The following DLGAP2 variants were observed in gnomAD, a reference collection of about 807,000 sequenced individuals.
DLGAP2 encodes disks large-associated protein 2.
Under a neutral mutation model 100.3 loss-of-function variants are expected in DLGAP2, and 26 were observed. The ratio of observed to expected loss-of-function variants is 0.26; its 90% confidence interval spans 0.19 to 0.36. DLGAP2 has a LOEUF of 0.36. Ranked by LOEUF, DLGAP2 falls within the 10% of genes least tolerant of loss-of-function variation. The pLI, the probability that DLGAP2 is intolerant of heterozygous loss-of-function variation, is 1.00. For missense variants in DLGAP2, 1,858 were observed against 1,453.2 expected (o/e 1.28, Z -4.53); for synonymous variants, 886 against 630.1 (o/e 1.41, Z -6.08).
At chr8:767,448 G>A (rs1383158165) in intron 1 of DLGAP2, among the ~76,000 whole-genome samples, 1 of 146,276 alleles carries the variant, frequency 6.8e-6, no homozygotes, top group Non-Finnish European at 1.5e-5. Context: ...TGCAAGCTCT[G>A]CCTCCCAGGT....
chr8:1,664,046 TG>T (rs1460420508), intron 8 of DLGAP2, among the ~76,000 whole-genome samples: 1 of 152,192 alleles, frequency 6.6e-6, no homozygotes, highest in Non-Finnish European at 1.5e-5. Flanking sequence ...GTTTTGTTGA[TG>T]ACAACTGATC....
intron 1 of DLGAP2, among the ~76,000 whole-genome samples, chr8:790,748 TTG>T (rs1822002558): frequency 6.6e-6 from 1 of 152,186 alleles, no homozygotes; most frequent in Non-Finnish European, 1.5e-5. Context: ...AAGATTTTTT[TTG>T]TGTGTGTGTT....
chr8:860,994 G>A (rs1379623571), intron 1 of DLGAP2, among the ~76,000 whole-genome samples: 1 of 152,120 alleles, frequency 6.6e-6, no homozygotes, highest in African/African-American at 2.4e-5. Context: ...TCCATACATG[G>A]GGGCCACACG....
intron 1 of DLGAP2, among the ~76,000 whole-genome samples, chr8:805,851 C>T (rs1431416062): frequency 6.6e-6 from 1 of 152,216 alleles, no homozygotes; most frequent in Non-Finnish European, 1.5e-5. Context: ...ACGGTAGTTT[C>T]TAATGTCCCG....
At chr8:1,315,429 G>A (rs866654558) in intron 3 of DLGAP2, among the ~76,000 whole-genome samples, 3 of 108,676 alleles carry the variant, frequency 2.8e-5, no homozygotes, top group Admixed American at 8.6e-5. Context: ...AAAATAGAGC[G>A]TGTGCGAGTG....
Position 1,481,500 on chromosome 8 carries a change from T to C in DLGAP2, c.107-19866T>C, listed in dbSNP as rs1353248507. Reference sequence around the variant, plus strand: ...TTTTTTTTTTTTTTTTTTTTTGAGATGGAGTTTTGCTTTTGTCGCCCAGGC... The same window carrying C: ...TTTTTTTTTTTTTTTTTTTTTGAGACGGAGTTTTGCTTTTGTCGCCCAGGC... On this transcript the variant is annotated intron_variant, in intron 3 of 14. Coordinates refer to ENST00000637795, the MANE Select transcript of DLGAP2 (RefSeq NM_001346810.2). 5.2e-5 allele frequency among the ~76,000 whole-genome samples: 5 copies of C among 96,204 alleles called. No individual in the cohort carries two copies. The East Asian group carries it at 1.3e-3, about 25-fold the overall frequency. The allele number at this position is 96,204 out of a possible 152,430, so 63.1% of individuals were successfully genotyped here. A position where few individuals can be genotyped will look rare whatever the true frequency, so the allele number is the denominator to read the frequency against.
chr8:1,523,259 C>T (rs976388212), intron 4 of DLGAP2, among the ~76,000 whole-genome samples: 2 of 152,256 alleles, frequency 1.3e-5, no homozygotes, highest in Non-Finnish European at 2.9e-5. Flanking sequence ...TTTGGATTTG[C>T]TTGTCTGGCT....
In DLGAP2 at chr8:1,707,164, T is replaced by C. The variant is rs576425143; in HGVS notation, c.*5758T>C. On this transcript the variant is annotated 3_prime_UTR_variant, in exon 15 of 15. Coordinates refer to ENST00000637795, the MANE Select transcript of DLGAP2 (RefSeq NM_001346810.2). ...CTTAGATTTTATGTAACTCTTTTCATTGGTGCTTATTCAGAACCTGAAAGC... is the reference window on the plus strand; with the variant it reads ...CTTAGATTTTATGTAACTCTTTTCACTGGTGCTTATTCAGAACCTGAAAGC... 2 of 152,786 alleles carry C rather than the reference T, an allele frequency of 1.3e-5. No individual in the cohort carries two copies. Among genetic ancestry groups the C allele is most frequent in the African/African-American group, 2.4e-5 (1 of 41,572 alleles). The allele number at this position is 152,786 out of a possible 1,614,324, so 9.5% of individuals were successfully genotyped here. A position where few individuals can be genotyped will look rare whatever the true frequency, so the allele number is the denominator to read the frequency against.
chr8:1,028,307 G>T (rs193179562), intron 2 of DLGAP2, among the ~76,000 whole-genome samples: 202 of 136,430 alleles, frequency 1.5e-3, no homozygotes, highest in East Asian at 0.013. Flanking sequence ...CTCCAGGTCG[G>T]GTGTCAGGCG....
At position 922,327 on chromosome 8, in the gene DLGAP2, AC is replaced by A. The variant is rs1201489657; in HGVS notation, c.73+14365del. On this transcript the variant is annotated intron_variant, in intron 2 of 14. Transcript: ENST00000637795. ...GCTAATTGCGGTAAAGGGACAGCGG[AC>A]CCCTCCGGAGGGAAAATGAATCCCT... 3.3e-5 allele frequency among the ~76,000 whole-genome samples: 5 copies of A among 152,056 alleles called. 1 individual carries two copies. The highest frequency in any genetic ancestry group is 1.2e-4 in the African/African-American group (5 of 41,380).
intron 3 of DLGAP2, among the ~76,000 whole-genome samples, chr8:1,443,867 A>C (rs1797908896): frequency 6.6e-6 from 1 of 152,296 alleles, no homozygotes; most frequent in Non-Finnish European, 1.5e-5. Context: ...CATGGCTAAA[A>C]TGTTCAGGGT....
intron 2 of DLGAP2, among the ~76,000 whole-genome samples, chr8:989,638 A>G (rs1215773034): frequency 2.0e-5 from 3 of 152,196 alleles, no homozygotes; most frequent in African/African-American, 4.8e-5. Flanking sequence ...GAAGGCTGAT[A>G]TGTATGATTC....
chr8:770,475 A>C (rs1821328223), intron 1 of DLGAP2, among the ~76,000 whole-genome samples: 1 of 152,176 alleles, frequency 6.6e-6, no homozygotes, highest in Non-Finnish European at 1.5e-5. Flanking sequence ...CTGAAGATAC[A>C]TGTTGTTCAC....
intron 4 of DLGAP2, among the ~76,000 whole-genome samples, chr8:1,503,923 G>A (rs1305023642): frequency 6.6e-6 from 1 of 152,136 alleles, no homozygotes; most frequent in Non-Finnish European, 1.5e-5. Flanking sequence ...AACTGCTGTA[G>A]CCATCTGGTG....
chr8:831,900 C>T (rs1796791421), intron 1 of DLGAP2, among the ~76,000 whole-genome samples: 1 of 151,968 alleles, frequency 6.6e-6, no homozygotes, highest in African/African-American at 2.4e-5. Context: ...TTTTAATAAT[C>T]ACCATGCTGA....
At chr8:1,355,390 A>C (rs1462575147) in intron 3 of DLGAP2, among the ~76,000 whole-genome samples, 2 of 151,836 alleles carry the variant, frequency 1.3e-5, no homozygotes, top group African/African-American at 4.8e-5. Context: ...TTTGAGATGG[A>C]GTCTCGCTCT....
chr8:1,520,037 G>A (rs536667279), intron 4 of DLGAP2, among the ~76,000 whole-genome samples: 40 of 152,354 alleles, frequency 2.6e-4, no homozygotes, highest in African/African-American at 9.4e-4. Context: ...TTGGCTGCAT[G>A]TGAAGGAGGG....
At chr8:1,150,124 C>T (rs1313020904) in intron 2 of DLGAP2, among the ~76,000 whole-genome samples, 1 of 152,200 alleles carries the variant, frequency 6.6e-6, no homozygotes, top group South Asian at 2.1e-4. Context: ...TTGTTCCTCC[C>T]TGAAGAGCTC....
At chr8:1,012,784 G>A (rs1428650298) in intron 2 of DLGAP2, among the ~76,000 whole-genome samples, 65 of 129,230 alleles carry the variant, frequency 5.0e-4, no homozygotes, top group African/African-American at 1.9e-3. Context: ...CCCCACTTCA[G>A]CGGCAGTGTG....
Sources: gnomAD v4.1 joint callset for allele counts (sites outside exome capture counted in the v4.1 genomes callset) on GRCh38, gnomAD v4.1.1 for gene constraint, MANE v1.5 for transcripts, NCBI Gene and HGNC (gene_info 2026-07-23, HGNC 2026-07-21) for gene names.